KLHL28: variants seen among roughly 807,000 people sequenced by gnomAD.
KLHL28 encodes kelch-like protein 28.
KLHL28 carries 22 observed loss-of-function variants against 48.3 expected under a neutral mutation model. The ratio of observed to expected loss-of-function variants is 0.46; its 90% CI spans 0.33 to 0.65. KLHL28 has a LOEUF of 0.65. KLHL28 is among the 30% of genes least tolerant of loss of function. The pLI is 0.03. For missense variants in KLHL28, 527 were observed against 704.3 expected (o/e 0.75, Z 2.85); for synonymous variants, 243 against 242.4 (o/e 1.00, Z -0.02).
At chr14:44,935,908 ACC>A (rs1222194387) in intron 2 of KLHL28, among the ~76,000 whole-genome samples, 1 of 132,670 alleles carries the variant, frequency 7.5e-6, no homozygotes, top group Non-Finnish European at 1.6e-5. Flanking sequence ...ATATATCTTT[ACC>A]CTCCCCCCGC....
intron 1 of KLHL28, among the ~76,000 whole-genome samples, chr14:44,947,456 T>C (rs1044839807): frequency 1.3e-5 from 2 of 152,214 alleles, no homozygotes; most frequent in African/African-American, 4.8e-5. Flanking sequence ...ACCTTAAGAA[T>C]TAATACATGG....
At position 44,952,918 on chromosome 14, in the gene KLHL28, C is replaced by A. The variant is rs73346325; in HGVS notation, c.1-6990G>T. On this transcript the variant is annotated intron_variant, in intron 1 of 4. Coordinates refer to ENST00000396128, the MANE Select transcript of KLHL28 (RefSeq NM_017658.5). ...GTAAGTACCATAAAAAAAAAAAAAA[C>A]AAACACAGGAAAGAACAGGGAGTAA... 3.5e-3 allele frequency among the ~76,000 whole-genome samples: 515 copies of A among 145,534 alleles called. 3 individuals carry two copies. The highest frequency in any genetic ancestry group is 1.0e-2 in the African/African-American group (394 of 39,532).
intron 3 of KLHL28, among the ~76,000 whole-genome samples, chr14:44,931,756 T>C (rs1357059203): frequency 6.6e-6 from 1 of 152,158 alleles, no homozygotes; most frequent in African/African-American, 2.4e-5. Flanking sequence ...TATTCCATTA[T>C]ATTGTGCAAG....
At position 44,958,440 on chromosome 14, in the gene KLHL28, G is replaced by T. The variant is rs538261031; in HGVS notation, c.-1+3406C>A. Among the ~76,000 whole-genome samples the T allele has an allele frequency of 5.3e-5, 8 of 152,006 alleles. No individual in the cohort carries two copies. In the East Asian group the frequency reaches 1.2e-3, roughly 22 times the overall value. The stretch of plus-strand genomic sequence containing the variant: ...AGTTTTCTTTAAAAAGAGAAAATAA[G>T]AAATGATTTATCAAATTAGGAGAAT... On this transcript the variant is annotated intron_variant, in intron 1 of 4. Coordinates refer to ENST00000396128, the MANE Select transcript of KLHL28 (RefSeq NM_017658.5).
chr14:44,945,758 G>A lies in KLHL28; in HGVS notation c.171C>T (p.Ser57=), dbSNP rs1333598881. 6.2e-7 allele frequency: 1 copy of A among 1,614,084 alleles called. No individual in the cohort carries two copies. Among genetic ancestry groups the A allele is most frequent in the Non-Finnish European group, 8.5e-7 (1 of 1,180,004 alleles). The change falls in exon 2 of 5, where the codon AGC becomes AGT. Residue 57 remains serine (S), a synonymous_variant. Transcript: ENST00000396128. The part of the protein sequence containing the change: ...HAHKVVLASV[S]PYFKAMFTGN... ...CAGTGAACATAGCTTTGAAATACGG[G>A]CTGACGCTGGCAAGTACCACTTTGT...
At position 44,945,469 on chromosome 14, in the gene KLHL28, A is replaced by C; in HGVS notation, c.460T>G (p.Leu154Val). The stretch of plus-strand genomic sequence containing the variant: ...TGGCATATGTATTTAGTGGCTGCCA[A>C]ATAAAGGTCACGGCAACCATATGTT... ...AETYGCRDLY[L>V]AATKYICQNF... The change falls in exon 2 of 5, where the codon TTG (leucine) becomes GTG (valine). Residue 154 changes from leucine (L) to valine (V), a missense_variant. Coordinates refer to ENST00000396128, the MANE Select transcript of KLHL28 (RefSeq NM_017658.5). The C allele has an allele frequency of 6.2e-7, 1 of 1,614,220 alleles. No homozygotes were observed. The highest frequency in any genetic ancestry group is 8.5e-7 in the Non-Finnish European group (1 of 1,180,030).
At chr14:44,935,906 T>TATATATATATATATATATA (rs1429152138) in intron 2 of KLHL28, among the ~76,000 whole-genome samples, 34 of 13,884 alleles carry the variant, frequency 2.4e-3, no homozygotes, top group East Asian at 5.5e-3. Flanking sequence ...ATATATATCT[T>TATATATATATATATATATA]TACCCTCCCC....
intron 1 of KLHL28, among the ~76,000 whole-genome samples, 168 bp from the exon 2 acceptor site, chr14:44,946,096 GATTTAACAATCAC>G (rs1456637551): frequency 1.3e-5 from 2 of 152,134 alleles, no homozygotes; most frequent in African/African-American, 4.8e-5. Context: ...AGTTAGAAGA[GATTTAACAATCAC>G]ATCATTCAAC....
intron 1 of KLHL28, chr14:44,961,014 T>C (rs1885057174): frequency 1.4e-6 from 1 of 738,556 alleles, no homozygotes. Context: ...AAAAAAAATA[T>C]CTCTTCCACA....
chr14:44,946,196 A>G (rs1177308496), intron 1 of KLHL28, among the ~76,000 whole-genome samples: 3 of 152,176 alleles, frequency 2.0e-5, no homozygotes, highest in Admixed American at 6.5e-5. Flanking sequence ...ATCTCTGACA[A>G]TGGACTTTTG....
intron 1 of KLHL28, among the ~76,000 whole-genome samples, chr14:44,956,790 A>AT: frequency 6.6e-6 from 1 of 152,234 alleles, no homozygotes; most frequent in South Asian, 2.1e-4. Flanking sequence ...AATCACTGCT[A>AT]TTTTTTGTTG....
chr14:44,944,308 G>T (rs1385492534), intron 2 of KLHL28, among the ~76,000 whole-genome samples: 1 of 152,138 alleles, frequency 6.6e-6, no homozygotes, highest in Non-Finnish European at 1.5e-5. Flanking sequence ...AGTTTTATTG[G>T]AACACATCCA....
Position 44,945,128 on chromosome 14 carries a change from T to C in KLHL28, c.801A>G (p.Arg267=), listed in dbSNP as rs1566571346. Residue 267 remains arginine (R), a synonymous_variant, in exon 2 of 5, where the codon AGA becomes AGG. Transcript: ENST00000396128. ...ALKYHFMPEH[R]LSHQTVLMTR... is the part of the protein sequence containing the mutation. Reference sequence around the variant, plus strand: ...TCATCAAGACTGTCTGATGAGAGAGTCTATGTTCAGGCATAAAGTGGTACT... The same window carrying C: ...TCATCAAGACTGTCTGATGAGAGAGCCTATGTTCAGGCATAAAGTGGTACT... 4 of 1,613,800 alleles carry C rather than the reference T, an allele frequency of 2.5e-6. No homozygotes were observed. In the African/African-American group the frequency reaches 5.3e-5, roughly 22 times the overall value.
In KLHL28 at chr14:44,925,245, G is replaced by A. The variant is rs1393094781; in HGVS notation, c.*3783C>T. The stretch of plus-strand genomic sequence containing the variant: ...TGATTTTCCTGAAAATGAGCACTTA[G>A]GTGACAATACCAGGAATCCAACACC... On this transcript the variant is annotated 3_prime_UTR_variant, in exon 5 of 5. Coordinates refer to ENST00000396128, the MANE Select transcript of KLHL28 (RefSeq NM_017658.5). 6.6e-6 allele frequency: 1 copy of A among 152,108 alleles called. No homozygotes were observed. The highest frequency in any genetic ancestry group is 6.5e-5 in the Admixed American group (1 of 15,276). The allele number at this position is 152,108 out of a possible 1,614,324, so 9.4% of individuals were successfully genotyped here.
At chr14:44,950,337 C>A (rs919707568) in intron 1 of KLHL28, among the ~76,000 whole-genome samples, 2 of 152,066 alleles carry the variant, frequency 1.3e-5, no homozygotes, top group African/African-American at 2.4e-5. Flanking sequence ...CTGGGCAACA[C>A]AAGTATCACA....
chr14:44,936,675 C>T (rs1883835625), intron 2 of KLHL28, among the ~76,000 whole-genome samples: 1 of 152,122 alleles, frequency 6.6e-6, no homozygotes, highest in Non-Finnish European at 1.5e-5. Context: ...ATGTAGGTTT[C>T]TCCAGTTACA....
intron 1 of KLHL28, among the ~76,000 whole-genome samples, chr14:44,951,652 TA>T (rs1884586983): frequency 6.6e-6 from 1 of 152,232 alleles, no homozygotes. Flanking sequence ...AAGCCTAGCA[TA>T]TTTTTATAAT....
chr14:44,925,295 T>G lies in KLHL28; in HGVS notation c.*3733A>C, dbSNP rs539013380. 25 of 152,244 alleles carry G rather than the reference T, an allele frequency of 1.6e-4. No homozygotes were observed. The highest frequency in any genetic ancestry group is 6.0e-4 in the African/African-American group (25 of 41,580). 9.4% of individuals were successfully genotyped at this position (152,244 alleles called of 1,614,324 possible). The stretch of plus-strand genomic sequence containing the variant: ...CAAAACTGAAAATAAACACAACATG[T>G]ACATATATTTCTCTCAATGTCAGCC... On this transcript the variant is annotated 3_prime_UTR_variant, in exon 5 of 5. Coordinates refer to ENST00000396128, the MANE Select transcript of KLHL28 (RefSeq NM_017658.5).
intron 2 of KLHL28, among the ~76,000 whole-genome samples, chr14:44,943,679 T>C (rs940178858): frequency 3.3e-5 from 5 of 149,338 alleles, no homozygotes; most frequent in African/African-American, 1.2e-4. Flanking sequence ...AAATAAAAAA[T>C]AAATAAAATA....
Sources: allele counts gnomAD v4.1 joint callset (sites outside exome capture counted in the v4.1 genomes callset), GRCh38; gene constraint gnomAD v4.1.1; transcripts MANE v1.5; gene names NCBI Gene and HGNC (gene_info 2026-07-23, HGNC 2026-07-21).